CSPG4: variants seen among roughly 807,000 people sequenced by gnomAD.
CSPG4 encodes the protein chondroitin sulfate proteoglycan 4 (melanoma-associated).
CSPG4 carries 74 observed loss-of-function variants against 139.3 expected under a neutral mutation model. That is an observed-to-expected ratio of 0.53 (90% CI 0.44 to 0.64). CSPG4 has a LOEUF of 0.64. Among genes scored for constraint, CSPG4 ranks in the 30% least tolerant of loss-of-function variants. The pLI, the probability that CSPG4 is intolerant of heterozygous loss-of-function variation, is 0.00. For synonymous variants in CSPG4, 1,234 were observed against 1,394.2 expected (o/e 0.89, Z 2.56); for missense variants, 2,565 against 3,148.3 (o/e 0.81, Z 4.43).
rs780073749 is a variant in CSPG4, at chr15:75,689,605, C to T, written c.1460G>A (p.Gly487Glu). 8.1e-6 allele frequency: 13 copies of T among 1,612,700 alleles called. No homozygotes were observed. The highest frequency in any genetic ancestry group is 1.3e-5 in the African/African-American group (1 of 74,952). Residue 487 changes from glycine (G) to glutamate (E), a missense_variant, in exon 3 of 10, where the codon GGA becomes GAA. Gly to Glu is a moderately conservative substitution (Grantham distance 98, BLOSUM62 -2). This residue lies in a region of CSPG4 where 2,316 missense variants were observed against 2,818.2 expected (regional missense o/e 0.82). Transcript: ENST00000308508. ...RHGELELDIP[G>E]AQARKMFTLL... is the part of the protein sequence containing the mutation. ...GGTGAACATTTTTCGTGCCTGGGCT[C>T]CCGGGATGTCCAGCTCGAGCTCGCC...
Position 75,689,833 on chromosome 15 carries a change from A to G in CSPG4, c.1232T>C (p.Leu411Pro). The change falls in exon 3 of 10, where the codon CTG (leucine) becomes CCG (proline). Residue 411 changes from leucine (L) to proline (P), a missense_variant. This residue lies in a region of CSPG4 where 2,316 missense variants were observed against 2,818.2 expected (regional missense o/e 0.82). Transcript: ENST00000308508. ...LAPEAWPAME[L>P]PEPCVPEPGL... The stretch of plus-strand genomic sequence containing the variant: ...TGGCTCAGGCACGCATGGCTCAGGC[A>G]GCTCCATGGCTGGCCAAGCCTCAGG... 6.2e-7 allele frequency: 1 copy of G among 1,612,722 alleles called. No individual in the cohort carries two copies. Among genetic ancestry groups the G allele is most frequent in the Non-Finnish European group, 8.5e-7 (1 of 1,179,736 alleles).
intron 5 of CSPG4, among the ~76,000 whole-genome samples, chr15:75,683,890 G>A (rs1343428157): frequency 2.0e-5 from 3 of 152,206 alleles, no homozygotes; most frequent in Non-Finnish European, 2.9e-5. Flanking sequence ...AGCAAACACA[G>A]GTAGATGGCA....
rs1404043959 is a variant in CSPG4 at position 75,698,061 on chromosome 15, G to A, written c.89-4828C>T. On this transcript the variant is annotated intron_variant, in intron 1 of 9. Transcript: ENST00000308508. The surrounding 1 kb of genome is among the most constrained non-coding windows in gnomAD (Gnocchi z 4.3). Reference sequence around the variant, plus strand: ...GGGAGACAGAGAAGGCGGGATGTTGGCAGCAAGCCTGCTGCTGTGCACAGG... The same window carrying A: ...GGGAGACAGAGAAGGCGGGATGTTGACAGCAAGCCTGCTGCTGTGCACAGG... Among the ~76,000 whole-genome samples the A allele has an allele frequency of 6.6e-6, 1 of 152,212 alleles. No individual in the cohort carries two copies. Among genetic ancestry groups the A allele is most frequent in the South Asian group, 2.1e-4 (1 of 4,836 alleles).
intron 1 of CSPG4, among the ~76,000 whole-genome samples, chr15:75,710,217 T>C (rs577320090): frequency 1.3e-5 from 2 of 152,128 alleles, no homozygotes; most frequent in Non-Finnish European, 2.9e-5. Flanking sequence ...TTTCAGTCAG[T>C]GATGCCAGGG....
rs773812855 is a variant in CSPG4 at position 75,689,227 on chromosome 15, G to A, written c.1838C>T (p.Ala613Val). The change falls in exon 3 of 10, where the codon GCG (alanine) becomes GTG (valine). Residue 613 changes from alanine (A) to valine (V), a missense_variant. By Grantham distance (64) the Ala-to-Val change is moderately conservative. Transcript: ENST00000308508. ...CAACTCCCGGCAGGAGAACTCGGTC[G>A]CCGGCTCCCCAGGCTGGTCTCGGCG... ...VERRDQPGEP[A>V]TEFSCRELEA... 1.9e-5 allele frequency: 30 copies of A among 1,609,654 alleles called. No individual in the cohort carries two copies. The highest frequency in any genetic ancestry group is 1.1e-4 in the East Asian group (5 of 44,882).
In CSPG4 at chr15:75,676,443, C is replaced by T; in HGVS notation, c.6076G>A (p.Val2026Ile). ...TTGACACCCCTAGCCAGTGCCAGGACTCTGAAGTGGTCATGAGAGGAGGAG... is the reference window on the plus strand; with the variant it reads ...TTGACACCCCTAGCCAGTGCCAGGATTCTGAAGTGGTCATGAGAGGAGGAG... Reference protein sequence around the residue: ...NFSSSHDHFRVLALARGVNAS... With the variant: ...NFSSSHDHFRILALARGVNAS... The change falls in exon 10 of 10, where the codon GTC (valine) becomes ATC (isoleucine). Residue 2026 changes from valine (V) to isoleucine (I), a missense_variant. Physicochemically the swap from Val to Ile is conservative, Grantham distance 29. Coordinates refer to ENST00000308508, the MANE Select transcript of CSPG4 (RefSeq NM_001897.5). 6.2e-7 allele frequency: 1 copy of T among 1,614,020 alleles called. No individual in the cohort carries two copies. Among genetic ancestry groups the T allele is most frequent in the Non-Finnish European group, 8.5e-7 (1 of 1,180,046 alleles).
Position 75,689,154 on chromosome 15 carries a change from G to C in CSPG4, c.1911C>G (p.Asp637Glu). Residue 637 changes from aspartate (D) to glutamate (E), a missense_variant, in exon 3 of 10, where the codon GAC (aspartate) becomes GAG (glutamate). This residue lies in a region of CSPG4 where 2,316 missense variants were observed against 2,818.2 expected (regional missense o/e 0.82). Coordinates refer to ENST00000308508, the MANE Select transcript of CSPG4 (RefSeq NM_001897.5). The stretch of plus-strand genomic sequence containing the variant: ...GTCCATCGCTGACCCGGAACGTCAA[G>C]TCCTGTGCAGGACCACCGCGGTGGA... The part of the protein sequence containing the change: ...VYVHRGGPAQ[D>E]LTFRVSDGLQ... The C allele has an allele frequency of 6.2e-7, 1 of 1,600,762 alleles. No homozygotes were observed. The highest frequency in any genetic ancestry group is 8.5e-7 in the Non-Finnish European group (1 of 1,173,752).
In CSPG4 at chr15:75,687,175, C is replaced by T; in HGVS notation, c.3789+101G>A. ...CACGTGCACACATGTAACCTGGAGC[C>T]ACCACAGCCACAGCCCAAGTCACGT... On this transcript the variant is annotated intron_variant, in intron 3 of 9. Transcript: ENST00000308508. This position sits in a 1 kb window ranked among gnomAD's most constrained non-coding sequence, Gnocchi z 5.4. 1 of 1,409,038 alleles carries T rather than the reference C, an allele frequency of 7.1e-7. No individual in the cohort carries two copies. Among genetic ancestry groups the T allele is most frequent in the Non-Finnish European group, 9.9e-7 (1 of 1,013,584 alleles). 87.3% of individuals were successfully genotyped at this position (1,409,038 alleles called of 1,614,324 possible).
Position 75,688,808 on chromosome 15 carries a change from A to T in CSPG4, c.2257T>A (p.Tyr753Asn). 1 of 1,612,888 alleles carries T rather than the reference A, an allele frequency of 6.2e-7. No homozygotes were observed. The highest frequency in any genetic ancestry group is 8.5e-7 in the Non-Finnish European group (1 of 1,179,924). Residue 753 changes from tyrosine (Y) to asparagine (N), a missense_variant, in exon 3 of 10, where the codon TAC (tyrosine) becomes AAC (asparagine). This residue lies in a region of CSPG4 where 2,316 missense variants were observed against 2,818.2 expected (regional missense o/e 0.82). Coordinates refer to ENST00000308508, the MANE Select transcript of CSPG4 (RefSeq NM_001897.5). ...YLSTDPQHHA[Y>N]DTVENLALEV... Reference sequence around the variant, plus strand: ...AGGGCCAGGTTCTCCACGGTGTCGTAAGCGTGGTGCTGTGGGTCAGTGCTC... The same window carrying T: ...AGGGCCAGGTTCTCCACGGTGTCGTTAGCGTGGTGCTGTGGGTCAGTGCTC...
At position 75,684,838 on chromosome 15, in the gene CSPG4, A is replaced by C. The variant is rs750584228; in HGVS notation, c.4347T>G (p.Asn1449Lys). ...GGCTCTGGCGATCCATCTCGGAGGC[A>C]TTAGCCATCAGGACAAAACTGTCTG... ...TLTDSFVLMANASEMDRQSHP... is the reference protein window; with the variant it reads ...TLTDSFVLMAKASEMDRQSHP... Residue 1449 changes from asparagine to lysine, a missense_variant, in exon 5 of 10, where the codon AAT becomes AAG. Around this residue, in one of 5 missense-constraint regions of CSPG4, gnomAD observed 2,316 missense variants for 2,818.2 expected, o/e 0.82. Transcript: ENST00000308508. The C allele has an allele frequency of 1.9e-6, 3 of 1,613,522 alleles. No individual in the cohort carries two copies. The highest frequency in any genetic ancestry group is 2.5e-6 in the Non-Finnish European group (3 of 1,179,878).
chr15:75,698,191 G>A lies in CSPG4; in HGVS notation c.89-4958C>T, dbSNP rs1281395437. Among the ~76,000 whole-genome samples, 1 of 152,154 alleles carries A rather than the reference G, an allele frequency of 6.6e-6. No individual in the cohort carries two copies. Among genetic ancestry groups the A allele is most frequent in the Non-Finnish European group, 1.5e-5 (1 of 68,032 alleles). On this transcript the variant is annotated intron_variant, in intron 1 of 9. Transcript: ENST00000308508. This position sits in a 1 kb window ranked among gnomAD's most constrained non-coding sequence, Gnocchi z 4.3. Reference sequence around the variant, plus strand: ...CCCCTCGGGGTTTGGCACCACGGCGGGAGATCCTGGCTCCAGGTCTGGGCA... The same window carrying A: ...CCCCTCGGGGTTTGGCACCACGGCGAGAGATCCTGGCTCCAGGTCTGGGCA...
In CSPG4 at chr15:75,688,402, G is replaced by A; in HGVS notation, c.2663C>T (p.Thr888Ile). The change falls in exon 3 of 10, where the codon ACC becomes ATC. Residue 888 changes from threonine to isoleucine, a missense_variant. Thr to Ile is a moderately conservative substitution (Grantham distance 89). Transcript: ENST00000308508. ...GTCACCACCAATGTGGATGGGGAAG[G>A]TATAGAGTGGGGAGAAATATGGTGG... Reference protein sequence around the residue: ...TAPPYFSPLYTFPIHIGGDPD... With the variant: ...TAPPYFSPLYIFPIHIGGDPD... The A allele has an allele frequency of 6.2e-7, 1 of 1,613,380 alleles. No individual in the cohort carries two copies. Among genetic ancestry groups the A allele is most frequent in the Non-Finnish European group, 8.5e-7 (1 of 1,180,044 alleles).
chr15:75,709,033 G>C (rs549453308), intron 1 of CSPG4, among the ~76,000 whole-genome samples: 3 of 152,276 alleles, frequency 2.0e-5, no homozygotes, highest in African/African-American at 7.2e-5. Context: ...TGCACACTAT[G>C]GGGTGTCCCT....
rs1459233157 is a variant in CSPG4 at position 75,689,479 on chromosome 15, G to A, written c.1586C>T (p.Pro529Leu). Reference protein sequence around the residue: ...VLEVSVTARVPMPSCLRRGQT... With the variant: ...VLEVSVTARVLMPSCLRRGQT... ...GCCCCTCCGAAGGCATGAGGGCATG[G>A]GCACCCGAGCCGTCACCGACACCTC... Residue 529 changes from proline to leucine, a missense_variant, in exon 3 of 10, where the codon CCC becomes CTC. Physicochemically the swap from Pro to Leu is moderately conservative, Grantham distance 98. Transcript: ENST00000308508. 1 of 1,612,748 alleles carries A rather than the reference G, an allele frequency of 6.2e-7. No homozygotes were observed. Among genetic ancestry groups the A allele is most frequent in the Non-Finnish European group, 8.5e-7 (1 of 1,179,878 alleles).
In CSPG4 at chr15:75,676,351, G is replaced by A. The variant is rs1893891401; in HGVS notation, c.6168C>T (p.Pro2056=). 6.2e-7 allele frequency: 1 copy of A among 1,612,968 alleles called. No individual in the cohort carries two copies. Among genetic ancestry groups the A allele is most frequent in the Non-Finnish European group, 8.5e-7 (1 of 1,180,002 alleles). ...LLHVWAGGPW[P]QGATLRLDPT... Reference sequence around the variant, plus strand: ...GGTCCAGGCGCAGGGTGGCACCCTGGGGCCATGGCCCACCTGCCCACACAT... The same window carrying A: ...GGTCCAGGCGCAGGGTGGCACCCTGAGGCCATGGCCCACCTGCCCACACAT... Residue 2056 remains proline (P), a synonymous_variant, in exon 10 of 10, where the codon CCC becomes CCT. Coordinates refer to ENST00000308508, the MANE Select transcript of CSPG4 (RefSeq NM_001897.5).
chr15:75,690,190 T>G lies in CSPG4; in HGVS notation c.875A>C (p.Asn292Thr), dbSNP rs112736205. The G allele has an allele frequency of 1.2e-6, 2 of 1,612,730 alleles. No individual in the cohort carries two copies. Among genetic ancestry groups the G allele is most frequent in the African/African-American group, 1.3e-5 (1 of 74,584 alleles). Residue 292 changes from asparagine to threonine, a missense_variant, in exon 3 of 10, where the codon AAT becomes ACT. By Grantham distance (65) the Asn-to-Thr change is moderately conservative (BLOSUM62 0). This residue lies in a region of CSPG4 where 2,316 missense variants were observed against 2,818.2 expected (regional missense o/e 0.82). Coordinates refer to ENST00000308508, the MANE Select transcript of CSPG4 (RefSeq NM_001897.5). ...GQPHEVSVHI[N>T]AHRLEISVDQ... The stretch of plus-strand genomic sequence containing the variant: ...CACGGAGATTTCCAGCCGGTGAGCA[T>G]TGATGTGGACACTGACCTCATGGGG...
chr15:75,683,260 A>G (rs1189089558), intron 5 of CSPG4, among the ~76,000 whole-genome samples: 2 of 152,100 alleles, frequency 1.3e-5, no homozygotes, highest in Non-Finnish European at 2.9e-5. Context: ...CTCCAGGCCC[A>G]GCCTCCCTGC....
chr15:75,676,186 C>T lies in CSPG4; in HGVS notation c.6333G>A (p.Glu2111=), dbSNP rs1266757857. 14 of 1,550,886 alleles carry T rather than the reference C, an allele frequency of 9.0e-6. No individual in the cohort carries two copies. Among genetic ancestry groups the T allele is most frequent in the Non-Finnish European group, 1.1e-5 (13 of 1,155,176 alleles). The change falls in exon 10 of 10, where the codon GAG becomes GAA. Residue 2111 remains glutamate, a synonymous_variant. Transcript: ENST00000308508. ...RTEPGGSQLV[E]QFTQQDLEDG... ...CCTCAAGGTCCTGCTGAGTGAACTG[C>T]TCCACCAGCTGGCTGCCCCCGGGCT...
At chr15:75,692,502 G>C (rs542468636) in intron 2 of CSPG4, among the ~76,000 whole-genome samples, 1 of 152,240 alleles carries the variant, frequency 6.6e-6, no homozygotes, top group Non-Finnish European at 1.5e-5. Context: ...AAGACTCCTT[G>C]CTAACAAAGC....
Sources: gnomAD v4.1 joint callset for allele counts (sites outside exome capture counted in the v4.1 genomes callset) on GRCh38, gnomAD v4.1.1 for gene constraint, gnomAD v4.1.1 regional missense constraint, Gnocchi (gnomAD v3.1) non-coding constraint, MANE v1.5 for transcripts, NCBI Gene and HGNC (gene_info 2026-07-23, HGNC 2026-07-21) for gene names.